Variants in FAAH2 observed in about 807,000 individuals in gnomAD.
The protein encoded by FAAH2 is fatty acid amide hydrolase 2, also known as fatty-acid amide hydrolase 2.
Under a neutral mutation model 36.9 loss-of-function variants are expected in FAAH2, and 60 were observed. The observed-to-expected ratio is 1.63, with a 90% CI of 1.32 to 2.02. The LOEUF is 2.02. Ranked by LOEUF, FAAH2 falls within the 30% of genes most tolerant of loss-of-function variation. FAAH2 has a pLI of 0.00. For missense variants in FAAH2, 689 were observed against 397.5 expected (o/e 1.73, Z -6.23); for synonymous variants, 214 against 143.8 (o/e 1.49, Z -3.49).
the FAAH2 span, among the ~76,000 whole-genome samples, chrX:57,142,662 A>AT: frequency 6.4e-3 from 711 of 111,064 alleles, 4 homozygotes; most frequent in Non-Finnish European, 0.01. Flanking sequence ...TTCTTTGTTA[A>AT]TTTTTTTGTC....
chrX:57,403,339 C>T (rs2055486077), intron 7 of FAAH2, among the ~76,000 whole-genome samples: 1 of 112,465 alleles, frequency 8.9e-6, no homozygotes, highest in African/African-American at 3.2e-5. Context: ...TAGTTACGCT[C>T]ACTGATGTAG....
intron 10 of FAAH2, among the ~76,000 whole-genome samples, chrX:57,484,470 C>T (rs753013326): frequency 4.5e-4 from 50 of 111,600 alleles, no homozygotes; most frequent in Non-Finnish European, 7.2e-4. Context: ...TCCCTTTTCA[C>T]GCCCTTGTTG....
the FAAH2 span, among the ~76,000 whole-genome samples, chrX:57,236,760 T>G: frequency 8.9e-6 from 1 of 111,819 alleles, no homozygotes; most frequent in Non-Finnish European, 1.9e-5. Context: ...TATTAGCCTA[T>G]TATCAGATGG....
intron 5 of FAAH2, among the ~76,000 whole-genome samples, chrX:57,367,964 A>G (rs1371064720): frequency 1.8e-5 from 2 of 111,692 alleles, no homozygotes; most frequent in African/African-American, 6.5e-5. Flanking sequence ...CCACTGCTAT[A>G]TTGTGTCTTG....
chrX:57,175,867 T>G, the FAAH2 span, among the ~76,000 whole-genome samples: 4 of 112,104 alleles, frequency 3.6e-5, no homozygotes, highest in Non-Finnish European at 5.6e-5. Context: ...CAGGTGACAC[T>G]TATTCTGTTT....
intron 5 of FAAH2, among the ~76,000 whole-genome samples, chrX:57,357,384 A>C (rs1189198848): frequency 8.9e-6 from 1 of 111,918 alleles, no homozygotes; most frequent in East Asian, 2.8e-4. Flanking sequence ...AACTATCATC[A>C]GAGTGAACAG....
At chrX:57,480,710 G>A (rs2057363687) in intron 10 of FAAH2, among the ~76,000 whole-genome samples, 1 of 110,778 alleles carries the variant, frequency 9.0e-6, no homozygotes, top group African/African-American at 3.3e-5. Context: ...TGGCGATTAG[G>A]TGTCTTGGGG....
At chrX:57,426,172 CA>C (rs1057487813) in intron 7 of FAAH2, among the ~76,000 whole-genome samples, 1 of 111,016 alleles carries the variant, frequency 9.0e-6, no homozygotes, top group Non-Finnish European at 1.9e-5. Flanking sequence ...AAATCAAGAA[CA>C]GTAAAAAAAG....
At chrX:57,389,112 C>T in intron 7 of FAAH2, among the ~76,000 whole-genome samples, 1 of 106,215 alleles carries the variant, frequency 9.4e-6, no homozygotes. Flanking sequence ...TTAGGTAGTA[C>T]CAAGGAACAC....
At chrX:57,243,517 G>T in the FAAH2 span, among the ~76,000 whole-genome samples, 1 of 111,877 alleles carries the variant, frequency 8.9e-6, no homozygotes, top group Non-Finnish European at 1.9e-5. Flanking sequence ...ACATCTGGAG[G>T]GTGCCCCTCT....
chrX:57,277,858 A>C, the FAAH2 span, among the ~76,000 whole-genome samples: 1 of 111,573 alleles, frequency 9.0e-6, no homozygotes, highest in Non-Finnish European at 1.9e-5. Context: ...TAGCAATCCA[A>C]CTTACAAGGG....
the FAAH2 span, among the ~76,000 whole-genome samples, chrX:57,216,651 C>CG: frequency 1.5e-5 from 1 of 65,788 alleles, no homozygotes; most frequent in South Asian, 6.7e-4. Context: ...TATATATATA[C>CG]CAAAGTTTAT....
the FAAH2 span, among the ~76,000 whole-genome samples, chrX:57,258,880 GTT>G: frequency 1.1e-5 from 1 of 93,888 alleles, no homozygotes. Context: ...GGCTAATTTT[GTT>G]TTTTTTTTTT....
the FAAH2 span, among the ~76,000 whole-genome samples, chrX:57,220,721 A>C: frequency 8.9e-6 from 1 of 112,140 alleles, no homozygotes; most frequent in Non-Finnish European, 1.9e-5. Context: ...GCCTATTTCA[A>C]GTGTGGCAAT....
chrX:57,356,896 C>T (rs1262660136), intron 5 of FAAH2, among the ~76,000 whole-genome samples: 1 of 110,445 alleles, frequency 9.1e-6, no homozygotes, highest in Admixed American at 9.7e-5. Flanking sequence ...CCTATCCACC[C>T]GCTAGCTACA....
chrX:57,262,947 T>C, the FAAH2 span, among the ~76,000 whole-genome samples: 1 of 111,175 alleles, frequency 9.0e-6, no homozygotes, highest in African/African-American at 3.3e-5. Flanking sequence ...AATCAGAATA[T>C]AGGGGAGCTT....
intron 4 of FAAH2, among the ~76,000 whole-genome samples, chrX:57,335,942 A>G (rs748470100): frequency 8.9e-6 from 1 of 111,758 alleles, no homozygotes; most frequent in Non-Finnish European, 1.9e-5. Context: ...CCCTTAATCC[A>G]TTTAACCCTG....
chrX:57,464,617 C>A (rs1294374801), intron 10 of FAAH2, among the ~76,000 whole-genome samples: 1 of 104,463 alleles, frequency 9.6e-6, no homozygotes, highest in Non-Finnish European at 2.0e-5. Flanking sequence ...CAAACAGTAA[C>A]AGAATGGGAG....
At chrX:57,426,188 G>A (rs1310038576) in intron 7 of FAAH2, among the ~76,000 whole-genome samples, 2 of 111,829 alleles carry the variant, frequency 1.8e-5, no homozygotes, top group East Asian at 2.8e-4. Flanking sequence ...AAAAAGGTCA[G>A]TATATAATGA....
Sources: gnomAD v4.1 joint callset for allele counts (sites outside exome capture counted in the v4.1 genomes callset) on GRCh38, gnomAD v4.1.1 for gene constraint, MANE v1.5 for transcripts, NCBI Gene and HGNC (gene_info 2026-07-23, HGNC 2026-07-21) for gene names.